TCF12: variants seen among roughly 807,000 people sequenced by gnomAD.
TCF12 encodes DNA-binding protein HTF4.
TCF12 carries 45 observed loss-of-function variants against 86.0 expected under a neutral mutation model. The observed-to-expected ratio is 0.52, with a 90% confidence interval of 0.41 to 0.67. TCF12 has a LOEUF of 0.67. Ranked by LOEUF, TCF12 falls within the 30% of genes least tolerant of loss-of-function variation. TCF12 has a pLI of 0.00. For missense variants in TCF12, 881 were observed against 859.9 expected (o/e 1.02, Z -0.31); for synonymous variants, 330 against 299.6 (o/e 1.10, Z -1.05).
chr15:57,150,618 G>A (rs757016939), intron 5 of TCF12, among the ~76,000 whole-genome samples: 1 of 151,952 alleles, frequency 6.6e-6, no homozygotes, highest in African/African-American at 2.4e-5. Context: ...AAAATTACTA[G>A]CATGAAAAGA....
At chr15:57,229,242 C>T (rs1294660985) in intron 8 of TCF12, among the ~76,000 whole-genome samples, 1 of 151,954 alleles carries the variant, frequency 6.6e-6, no homozygotes, top group Non-Finnish European at 1.5e-5. Flanking sequence ...TGCCTATCAG[C>T]CTGTACAATA....
intron 5 of TCF12, among the ~76,000 whole-genome samples, chr15:57,105,413 G>C (rs1368777717): frequency 4.6e-5 from 7 of 152,014 alleles, no homozygotes; most frequent in African/African-American, 1.7e-4. Flanking sequence ...TTTTTGTGGT[G>C]GTGGTGGTGT....
At chr15:56,936,376 A>G (rs2140306439) in intron 3 of TCF12, among the ~76,000 whole-genome samples, 1 of 152,276 alleles carries the variant, frequency 6.6e-6, no homozygotes, top group Non-Finnish European at 1.5e-5. Context: ...GATTCTGGAT[A>G]TTAGTCCTTT....
chr15:57,019,759 G>T (rs574461119), intron 3 of TCF12, among the ~76,000 whole-genome samples: 2 of 152,122 alleles, frequency 1.3e-5, no homozygotes, highest in African/African-American at 4.8e-5. Context: ...GAGCAATTGG[G>T]GATGTCACAA....
chr15:57,213,188 C>G (rs1391592599), intron 8 of TCF12, among the ~76,000 whole-genome samples: 1 of 152,028 alleles, frequency 6.6e-6, no homozygotes, highest in African/African-American at 2.4e-5. Flanking sequence ...CATCTTTTTC[C>G]CTGTTGATGT....
chr15:57,068,966 A>G (rs2069138898), intron 4 of TCF12, among the ~76,000 whole-genome samples: 3 of 152,174 alleles, frequency 2.0e-5, no homozygotes, highest in African/African-American at 7.2e-5. Flanking sequence ...TTTGAAGTAC[A>G]TTTTCATGGT....
intron 3 of TCF12, among the ~76,000 whole-genome samples, chr15:56,984,049 A>G (rs1466781443): frequency 6.8e-6 from 1 of 146,424 alleles, no homozygotes; most frequent in African/African-American, 2.5e-5. Context: ...AGGATTATTG[A>G]CCTCTTTTTG....
At chr15:57,274,228 AT>A (rs11344594) in intron 19 of TCF12, among the ~76,000 whole-genome samples, 112,223 of 152,040 alleles carry the variant, frequency 0.74, 41,595 homozygotes, top group East Asian at 0.82. Context: ...GAGCCTCAGC[AT>A]TAGATTACAG....
At chr15:57,248,149 C>G in intron 13 of TCF12, 6 of 700,526 alleles carry the variant, frequency 8.6e-6, no homozygotes, top group South Asian at 1.5e-5. Flanking sequence ...TTTCCAGAAG[C>G]CTCTTAAACA....
At chr15:57,095,589 G>A (rs2049269668) in intron 5 of TCF12, among the ~76,000 whole-genome samples, 1 of 152,042 alleles carries the variant, frequency 6.6e-6, no homozygotes, top group African/African-American at 2.4e-5. Context: ...ATTATCTTCG[G>A]TTTTGCTTGT....
At chr15:56,954,409 C>G (rs1200197098) in intron 3 of TCF12, among the ~76,000 whole-genome samples, 2 of 152,058 alleles carry the variant, frequency 1.3e-5, no homozygotes, top group Non-Finnish European at 2.9e-5. Flanking sequence ...ACACCTTGTC[C>G]AAAAATTAAT....
intron 3 of TCF12, among the ~76,000 whole-genome samples, chr15:56,943,825 C>T (rs1256242701): frequency 6.6e-6 from 1 of 152,106 alleles, no homozygotes; most frequent in Non-Finnish European, 1.5e-5. Flanking sequence ...TTGCTTAATC[C>T]ATACCCAACA....
intron 4 of TCF12, among the ~76,000 whole-genome samples, chr15:57,080,708 A>C (rs185364822): frequency 1.8e-3 from 281 of 152,344 alleles, no homozygotes; most frequent in Non-Finnish European, 3.1e-3. Flanking sequence ...AGTGCATTAC[A>C]GCTAGGCCAT....
chr15:56,977,840 A>C (rs1247498064), intron 3 of TCF12, among the ~76,000 whole-genome samples: 2 of 152,128 alleles, frequency 1.3e-5, no homozygotes, highest in African/African-American at 4.8e-5. Flanking sequence ...TATCAGAATC[A>C]CCTGGAGGAT....
intron 3 of TCF12, among the ~76,000 whole-genome samples, chr15:56,925,241 C>CA (rs35058585): frequency 2.3e-5 from 1 of 43,636 alleles, no homozygotes; most frequent in African/African-American, 4.8e-5. Flanking sequence ...GTGTCCACCG[C>CA]CCCCCCACCC....
At chr15:56,952,392 A>G (rs1463852356) in intron 3 of TCF12, among the ~76,000 whole-genome samples, 2 of 148,428 alleles carry the variant, frequency 1.3e-5, no homozygotes, top group Non-Finnish European at 3.0e-5. Context: ...GCATTTTCAT[A>G]TAAATGTCAG....
At chr15:57,192,349 C>T in intron 7 of TCF12, 56 bp downstream of exon 7, 1 of 1,580,876 alleles carries the variant, frequency 6.3e-7, no homozygotes, top group Non-Finnish European at 8.6e-7. Flanking sequence ...GTTTTTTCCT[C>T]CCATAATCTG....
At chr15:56,996,489 A>G (rs566164343) in intron 3 of TCF12, among the ~76,000 whole-genome samples, 1 of 152,278 alleles carries the variant, frequency 6.6e-6, no homozygotes, top group East Asian at 1.9e-4. Context: ...GTATACAAAA[A>G]TTAACTGAAG....
At chr15:56,923,072 GT>G (rs1178566934) in intron 3 of TCF12, among the ~76,000 whole-genome samples, 10 of 151,890 alleles carry the variant, frequency 6.6e-5, no homozygotes, top group African/African-American at 2.2e-4. Context: ...AAAGATTAGG[GT>G]TTTTTGTTTG....
Sources: allele counts gnomAD v4.1 joint callset (sites outside exome capture counted in the v4.1 genomes callset), GRCh38; gene constraint gnomAD v4.1.1; transcripts MANE v1.5; gene names NCBI Gene and HGNC (gene_info 2026-07-23, HGNC 2026-07-21).